The following PTPRB variants were observed in gnomAD, a reference collection of about 807,000 sequenced individuals.
The protein encoded by PTPRB is receptor-type tyrosine-protein phosphatase beta.
Under a neutral mutation model 238.1 loss-of-function variants are expected in PTPRB, and 97 were observed. That is an observed-to-expected ratio of 0.41 (90% CI 0.35 to 0.48). The LOEUF is 0.48. Among genes scored for constraint, PTPRB ranks in the 20% least tolerant of loss-of-function variants. PTPRB has a pLI of 0.30. For missense variants in PTPRB, 2,292 were observed against 2,681.9 expected (o/e 0.85, Z 3.21); for synonymous variants, 970 against 995.4 (o/e 0.97, Z 0.48).
chr12:70,551,819 T>C lies in PTPRB; in HGVS notation c.5387+958A>G, dbSNP rs576684591. ...GATTGGGATGCTATATACTTCTGCT[T>C]GTACCTGCTTTCTGAAAACACAGTG... is the stretch of plus-strand genomic sequence containing the variant. On this transcript the variant is annotated intron_variant, in intron 21 of 33. Coordinates refer to ENST00000334414, the MANE Select transcript of PTPRB (RefSeq NM_001109754.4). Among the ~76,000 whole-genome samples, 5 of 152,210 alleles carry C rather than the reference T, an allele frequency of 3.3e-5. No individual in the cohort carries two copies. The South Asian group carries it at 1.0e-3, about 32-fold the overall frequency.
Position 70,571,940 on chromosome 12 carries a change from G to A in PTPRB, c.2990C>T (p.Pro997Leu). The change falls in exon 12 of 34, where the codon CCC becomes CTC. Residue 997 changes from proline to leucine, a missense_variant. Transcript: ENST00000334414. ...KNNFIQTKSI[P>L]KSENECVFVQ... ...AAATACACATTCGTTTTCTGACTTG[G>A]GAATGCTTTTAGTTTGAATGAAGTT... 6.2e-7 allele frequency: 1 copy of A among 1,613,914 alleles called. No individual in the cohort carries two copies. The highest frequency in any genetic ancestry group is 2.2e-5 in the East Asian group (1 of 44,870).
chr12:70,572,302 T>G (rs968122863), intron 11 of PTPRB, among the ~76,000 whole-genome samples: 2 of 152,170 alleles, frequency 1.3e-5, no homozygotes, highest in African/African-American at 4.8e-5. Context: ...GCTGATGAAC[T>G]CATTCTAAGC....
chr12:70,613,355 G>A (rs1884544525), intron 3 of PTPRB, among the ~76,000 whole-genome samples: 1 of 151,928 alleles, frequency 6.6e-6, no homozygotes, highest in African/African-American at 2.4e-5. Flanking sequence ...AGCGAACACT[G>A]ACTAGCCACC....
At chr12:70,537,687 T>C (rs1874382644) in intron 28 of PTPRB, among the ~76,000 whole-genome samples, 1 of 152,180 alleles carries the variant, frequency 6.6e-6, no homozygotes, top group Non-Finnish European at 1.5e-5. Flanking sequence ...GATTCAAACC[T>C]AGATTTGTTT....
intron 13 of PTPRB, among the ~76,000 whole-genome samples, chr12:70,570,616 G>A (rs1176734733): frequency 1.3e-5 from 2 of 152,128 alleles, no homozygotes; most frequent in East Asian, 1.9e-4. Context: ...CCAAAGCATT[G>A]TGAAGACTGA....
chr12:70,633,910 C>G (rs1177241281), intron 2 of PTPRB, among the ~76,000 whole-genome samples: 2 of 151,932 alleles, frequency 1.3e-5, no homozygotes, highest in African/African-American at 2.4e-5. Flanking sequence ...AATCTCACTT[C>G]TTGTGTAAAA....
intron 21 of PTPRB, among the ~76,000 whole-genome samples, chr12:70,547,092 C>T (rs763404277): frequency 1.1e-4 from 16 of 151,688 alleles, no homozygotes; most frequent in African/African-American, 3.1e-4. Flanking sequence ...AATGCTGAAG[C>T]GGTACTAGGC....
At chr12:70,602,495 T>C (rs116942687) in intron 4 of PTPRB, among the ~76,000 whole-genome samples, 59 of 152,346 alleles carry the variant, frequency 3.9e-4, no homozygotes, top group Non-Finnish European at 5.7e-4. Context: ...ATTCATGAGC[T>C]GTCACTTGAT....
chr12:70,557,858 C>T (rs924298869), intron 18 of PTPRB, among the ~76,000 whole-genome samples: 2 of 152,172 alleles, frequency 1.3e-5, no homozygotes, highest in Non-Finnish European at 2.9e-5. Context: ...TATAGTTGTC[C>T]TCTGAGGAGA....
At chr12:70,631,212 T>A (rs1395529841) in intron 2 of PTPRB, among the ~76,000 whole-genome samples, 1 of 152,178 alleles carries the variant, frequency 6.6e-6, no homozygotes, top group African/African-American at 2.4e-5. Flanking sequence ...AACAGCATGG[T>A]ACTGGTACCA....
rs1871287305 is a variant in PTPRB at position 70,517,546 on chromosome 12, G to T, written c.*3943C>A. ...CTTCAACTCTTCAGGAATGAGGTAG[G>T]CTTGAGGGCTTGCTCACTGCAACTT... On this transcript the variant is annotated 3_prime_UTR_variant, in exon 34 of 34. Transcript: ENST00000334414. The T allele has an allele frequency of 6.6e-6, 1 of 152,180 alleles. No individual in the cohort carries two copies. Among genetic ancestry groups the T allele is most frequent in the Non-Finnish European group, 1.5e-5 (1 of 68,030 alleles). The allele number at this position is 152,180 out of a possible 1,614,324, so 9.4% of individuals were successfully genotyped here.
intron 21 of PTPRB, among the ~76,000 whole-genome samples, chr12:70,547,164 A>G (rs1260198134): frequency 6.6e-6 from 1 of 152,130 alleles, no homozygotes; most frequent in African/African-American, 2.4e-5. Context: ...TCCGAGTGTA[A>G]TCCTGTAAAA....
At chr12:70,587,383 A>T in intron 8 of PTPRB, 116 bp from the exon 9 acceptor site, 1 of 1,240,548 alleles carries the variant, frequency 8.1e-7, no homozygotes, top group Non-Finnish European at 1.1e-6. Context: ...CATTTATTTT[A>T]TGAATGTCTC....
chr12:70,544,577 A>G lies in PTPRB; in HGVS notation c.5474T>C (p.Leu1825Ser), dbSNP rs758582993. The G allele has an allele frequency of 1.2e-6, 2 of 1,611,814 alleles. No homozygotes were observed. The highest frequency in any genetic ancestry group is 3.3e-5 in the Admixed American group (2 of 59,714). The change falls in exon 22 of 34, where the codon TTA becomes TCA. Residue 1825 changes from leucine to serine, a missense_variant. Physicochemically the swap from Leu to Ser is moderately radical, Grantham distance 145 (BLOSUM62 -2). Transcript: ENST00000334414. ...CTTACCTGATTCAGTAGTGATGGGT[A>G]AAGAAAAAAATGTGTCTGAATAGAG... ...KPLYSDTFFSLPITTESEPLF... is the reference protein window; with the variant it reads ...KPLYSDTFFSSPITTESEPLF...
rs898912416 is a variant in PTPRB at position 70,538,079 on chromosome 12, A to T, written c.5946+76T>A. On this transcript the variant is annotated intron_variant, in intron 28 of 33. Transcript: ENST00000334414. ...TTCCAGACCTAAGAATAACAGGAAC[A>T]TGGAGGAGTGGCATCTCCAGTGTAG... 20 of 1,192,996 alleles carry T rather than the reference A, an allele frequency of 1.7e-5. No homozygotes were observed. The African/African-American group carries it at 1.8e-4, about 11-fold the overall frequency. 73.9% of individuals were successfully genotyped at this position (1,192,996 alleles called of 1,614,324 possible).
At chr12:70,573,850 C>T (rs11610082) in intron 11 of PTPRB, among the ~76,000 whole-genome samples, 28,220 of 151,840 alleles carry the variant, frequency 0.19, 2,742 homozygotes, top group South Asian at 0.21. Flanking sequence ...AATATATGAA[C>T]GAAACCATTC....
chr12:70,561,770 A>G (rs1160267882), intron 16 of PTPRB, among the ~76,000 whole-genome samples: 2 of 152,152 alleles, frequency 1.3e-5, no homozygotes, highest in Non-Finnish European at 2.9e-5. Flanking sequence ...AGTCACTATC[A>G]TGACACATCA....
chr12:70,562,349 G>GT (rs1878602860), intron 16 of PTPRB, among the ~76,000 whole-genome samples: 1 of 152,152 alleles, frequency 6.6e-6, no homozygotes, highest in Admixed American at 6.5e-5. Flanking sequence ...GGTAGATTCT[G>GT]TTTTTTGTTT....
At chr12:70,539,889 A>G in intron 24 of PTPRB, 45 bp from the exon 25 acceptor site, 1 of 1,579,394 alleles carries the variant, frequency 6.3e-7, no homozygotes, top group Non-Finnish European at 8.7e-7. Flanking sequence ...AGCAAATTTC[A>G]CATAATACCA....
Sources: allele counts gnomAD v4.1 joint callset (sites outside exome capture counted in the v4.1 genomes callset), GRCh38; gene constraint gnomAD v4.1.1; transcripts MANE v1.5; gene names NCBI Gene and HGNC (gene_info 2026-07-23, HGNC 2026-07-21).